Variants in PRP4K observed in about 807,000 individuals in gnomAD.
The protein encoded by PRP4K is pre-mRNA processing factor kinase PRP4K, also known as serine/threonine-protein kinase PRP4 homolog.
the PRP4K span, among the ~76,000 whole-genome samples, chr6:4,024,122 C>G: frequency 6.6e-6 from 1 of 152,146 alleles, no homozygotes; most frequent in Non-Finnish European, 1.5e-5. Context: ...ACCTCAGACT[C>G]CCAAAGTTCT....
At chr6:4,034,211 C>T in the PRP4K span, among the ~76,000 whole-genome samples, 1 of 151,556 alleles carries the variant, frequency 6.6e-6, no homozygotes, top group Non-Finnish European at 1.5e-5. Flanking sequence ...ATGTGGCTTG[C>T]TTTTTTCAGG....
At chr6:4,027,264 A>G in the PRP4K span, among the ~76,000 whole-genome samples, 1 of 152,182 alleles carries the variant, frequency 6.6e-6, no homozygotes, top group Admixed American at 6.5e-5. Context: ...TCTCAACTCA[A>G]ATGGAGAGAC....
At chr6:4,049,926 C>T in the PRP4K span, 1 of 1,556,416 alleles carries the variant, frequency 6.4e-7, no homozygotes, top group Non-Finnish European at 8.7e-7. Flanking sequence ...CGGATACTTA[C>T]AGAAGAACAT....
At chr6:4,053,485 T>C in the PRP4K span, among the ~76,000 whole-genome samples, 3 of 152,216 alleles carry the variant, frequency 2.0e-5, no homozygotes, top group African/African-American at 7.2e-5. Flanking sequence ...CAGTGTGTAT[T>C]GTTCCCCTGT....
the PRP4K span, among the ~76,000 whole-genome samples, chr6:4,060,133 C>T: frequency 2.4e-4 from 37 of 152,104 alleles, no homozygotes; most frequent in African/African-American, 8.2e-4. This position sits in a 1 kb window ranked among gnomAD's most constrained non-coding sequence, Gnocchi z 4.7. Context: ...TAGGCCTGAA[C>T]TGTAAGTTGG....
At chr6:4,062,855 C>T in the PRP4K span, 1 of 152,560 alleles carries the variant, frequency 6.6e-6, no homozygotes, top group African/African-American at 2.4e-5. This position sits in a 1 kb window ranked among gnomAD's most constrained non-coding sequence, Gnocchi z 4.2. Flanking sequence ...ATTTTCCCAC[C>T]ATTATTTATT....
the PRP4K span, chr6:4,051,936 C>CG: frequency 5.4e-4 from 772 of 1,423,560 alleles, no homozygotes; most frequent in South Asian, 1.2e-3. Context: ...AATTTTACCC[C>CG]AATTTTTTTT....
At chr6:4,045,110 C>T in the PRP4K span, among the ~76,000 whole-genome samples, 1 of 152,066 alleles carries the variant, frequency 6.6e-6, no homozygotes, top group Non-Finnish European at 1.5e-5. Flanking sequence ...ATCTGCCTGT[C>T]GGCCTCCCAA....
At chr6:4,035,092 CAT>C in the PRP4K span, among the ~76,000 whole-genome samples, 5 of 151,352 alleles carry the variant, frequency 3.3e-5, no homozygotes, top group East Asian at 1.9e-4. Flanking sequence ...TATATATACA[CAT>C]ATATGTGTGT....
At chr6:4,056,576 T>C in the PRP4K span, 5 of 1,596,206 alleles carry the variant, frequency 3.1e-6, no homozygotes, top group Non-Finnish European at 4.3e-6. Context: ...AAGTTCATCC[T>C]CCTCAGGTGG....
the PRP4K span, among the ~76,000 whole-genome samples, chr6:4,030,044 G>A: frequency 6.6e-6 from 1 of 151,938 alleles, no homozygotes; most frequent in East Asian, 1.9e-4. Flanking sequence ...CCAGGTTCAA[G>A]AGATTCTCCT....
chr6:4,044,924 G>A, the PRP4K span, among the ~76,000 whole-genome samples: 4 of 150,236 alleles, frequency 2.7e-5, no homozygotes, highest in African/African-American at 7.4e-5. Flanking sequence ...GTGCAGTGGC[G>A]CGATCTCAGC....
the PRP4K span, chr6:4,064,830 A>G: frequency 6.5e-6 from 1 of 152,736 alleles, no homozygotes; most frequent in African/African-American, 2.4e-5. Context: ...GAACCTTTCC[A>G]TTTAGTGATC....
the PRP4K span, among the ~76,000 whole-genome samples, chr6:4,022,453 GT>G: frequency 1.0e-3 from 72 of 70,298 alleles, no homozygotes; most frequent in Middle Eastern, 5.7e-3. Flanking sequence ...TATAGCGACC[GT>G]TTTTTTTTTT....
chr6:4,059,001 A>G, the PRP4K span: 11 of 513,814 alleles, frequency 2.1e-5, no homozygotes, highest in Middle Eastern at 5.1e-4. Flanking sequence ...ATGTTTTTCT[A>G]GCATAATTAA....
At chr6:4,038,926 T>TTTC in the PRP4K span, among the ~76,000 whole-genome samples, 1 of 151,136 alleles carries the variant, frequency 6.6e-6, no homozygotes. Flanking sequence ...GTGCTTTTTT[T>TTTC]TTTCTTTCTT....
chr6:4,050,802 T>C, the PRP4K span, among the ~76,000 whole-genome samples: 1 of 152,232 alleles, frequency 6.6e-6, no homozygotes, highest in Non-Finnish European at 1.5e-5. Context: ...TACTATAAAA[T>C]GTAGCTTATT....
At chr6:4,033,793 T>C in the PRP4K span, among the ~76,000 whole-genome samples, 4 of 152,170 alleles carry the variant, frequency 2.6e-5, no homozygotes, top group Non-Finnish European at 4.4e-5. Flanking sequence ...CTTAAGAGCG[T>C]CTTGATTCTT....
At chr6:4,021,915 T>G in the PRP4K span, among the ~76,000 whole-genome samples, 1 of 152,198 alleles carries the variant, frequency 6.6e-6, no homozygotes, top group Non-Finnish European at 1.5e-5. Flanking sequence ...CCAGTCGTCC[T>G]TTTACTGGTG....
Sources: gnomAD v4.1 joint callset for allele counts (sites outside exome capture counted in the v4.1 genomes callset) on GRCh38, gnomAD v4.1.1 for gene constraint, Gnocchi (gnomAD v3.1) non-coding constraint, MANE v1.5 for transcripts, NCBI Gene and HGNC (gene_info 2026-07-23, HGNC 2026-07-21) for gene names.